The following SEMA6D variants were observed in gnomAD, a reference collection of about 807,000 sequenced individuals.
SEMA6D encodes the protein semaphorin-6D.
SEMA6D carries 35 observed loss-of-function variants against 106.6 expected under a neutral mutation model. The ratio of observed to expected loss-of-function variants is 0.33; its 90% confidence interval spans 0.25 to 0.44. SEMA6D has a LOEUF of 0.44. Among genes scored for constraint, SEMA6D ranks in the 20% least tolerant of loss-of-function variants. The probability of loss-of-function intolerance (pLI) is 1.00; values close to 1 mark genes in which losing one functional copy is unlikely to be tolerated. For missense variants in SEMA6D, 1,185 were observed against 1,345.9 expected (o/e 0.88, Z 1.87); for synonymous variants, 499 against 487.7 (o/e 1.02, Z -0.31).
At chr15:47,432,562 C>CATATGTATATACATATACACCTATAT (rs1555438670) in intron 2 of SEMA6D, among the ~76,000 whole-genome samples, 4 of 43,332 alleles carry the variant, frequency 9.2e-5, no homozygotes, top group African/African-American at 1.5e-4. Context: ...TATACATATA[C>CATATGTATATACATATACACCTATAT]GCATATGTAT....
At chr15:47,448,333 G>A (rs549470451) in intron 2 of SEMA6D, among the ~76,000 whole-genome samples, 2 of 151,716 alleles carry the variant, frequency 1.3e-5, no homozygotes, top group Non-Finnish European at 2.9e-5. Flanking sequence ...CCTGGGCACA[G>A]CTGATCTGGT....
intron 4 of SEMA6D, among the ~76,000 whole-genome samples, chr15:47,694,558 T>C (rs1206611862): frequency 6.6e-6 from 1 of 152,060 alleles, no homozygotes; most frequent in East Asian, 1.9e-4. Flanking sequence ...AGGGCCTGCT[T>C]GGGTGAAACA....
At chr15:47,630,927 T>C (rs1748165752) in intron 4 of SEMA6D, among the ~76,000 whole-genome samples, 1 of 151,948 alleles carries the variant, frequency 6.6e-6, no homozygotes, top group African/African-American at 2.4e-5. Context: ...TTAACCAGTC[T>C]TGCATACCTG....
intron 1 of SEMA6D, among the ~76,000 whole-genome samples, chr15:47,326,735 T>G (rs563341013): frequency 2.2e-4 from 34 of 152,336 alleles, no homozygotes; most frequent in Non-Finnish European, 4.6e-4. Context: ...TCCTTAGAAG[T>G]ATGTGTATGT....
At chr15:47,429,982 T>C (rs1213323865) in intron 2 of SEMA6D, among the ~76,000 whole-genome samples, 2 of 152,116 alleles carry the variant, frequency 1.3e-5, no homozygotes, top group African/African-American at 4.8e-5. Context: ...GTTCATCCAC[T>C]ATAAGGCACC....
At chr15:47,469,683 CAA>C (rs997027787) in intron 2 of SEMA6D, among the ~76,000 whole-genome samples, 3 of 152,106 alleles carry the variant, frequency 2.0e-5, no homozygotes, top group African/African-American at 7.2e-5. Context: ...ATAAAATTAA[CAA>C]AGACATCCTT....
At chr15:47,204,253 A>T (rs1251826331) in intron 1 of SEMA6D, among the ~76,000 whole-genome samples, 1 of 152,162 alleles carries the variant, frequency 6.6e-6, no homozygotes, top group Non-Finnish European at 1.5e-5. Context: ...TCTTCCAAAT[A>T]CAGTATCAAC....
At chr15:47,625,719 T>A (rs1396254591) in intron 4 of SEMA6D, among the ~76,000 whole-genome samples, 4 of 151,280 alleles carry the variant, frequency 2.6e-5, no homozygotes, top group East Asian at 1.9e-4. Context: ...ATAATAATAA[T>A]AAATTTTGAA....
intron 4 of SEMA6D, among the ~76,000 whole-genome samples, chr15:47,699,540 G>A (rs993282455): frequency 6.6e-6 from 1 of 152,088 alleles, no homozygotes; most frequent in Non-Finnish European, 1.5e-5. Flanking sequence ...TTAACAGATC[G>A]GCAAAGCAAA....
chr15:47,370,710 A>AAAAT (rs1567033699), intron 1 of SEMA6D, among the ~76,000 whole-genome samples: 1 of 138,238 alleles, frequency 7.2e-6, no homozygotes, highest in Non-Finnish European at 1.5e-5. Context: ...AAAAAAAAAA[A>AAAAT]TTTGATGGGT....
At chr15:47,373,890 T>A (rs2039360477) in intron 1 of SEMA6D, among the ~76,000 whole-genome samples, 2 of 152,196 alleles carry the variant, frequency 1.3e-5, no homozygotes. Context: ...TAAAGGCAAG[T>A]AATTGGTTTC....
rs142313118 is a variant in SEMA6D, at chr15:47,542,847, A to G, written c.-86-58018A>G. On this transcript the variant is annotated intron_variant, in intron 3 of 19. Coordinates refer to the SEMA6D transcript ENST00000558014. ...TCAAGTTAGCTATGAGGCTTAGGAC[A>G]GAAGCCAGCTCAGGTGTCCAGATGC... 2.3e-3 allele frequency among the ~76,000 whole-genome samples: 349 copies of G among 152,262 alleles called. 1 individual carries two copies. The highest frequency in any genetic ancestry group is 8.3e-3 in the African/African-American group (343 of 41,556).
At chr15:47,191,840 A>G (rs896009810) in intron 1 of SEMA6D, among the ~76,000 whole-genome samples, 1 of 152,180 alleles carries the variant, frequency 6.6e-6, no homozygotes, top group African/African-American at 2.4e-5. Flanking sequence ...GAAGCAGTAG[A>G]TAGTAGTCTC....
At chr15:47,639,207 C>T (rs2077446903) in intron 4 of SEMA6D, among the ~76,000 whole-genome samples, 1 of 152,116 alleles carries the variant, frequency 6.6e-6, no homozygotes, top group African/African-American at 2.4e-5. Flanking sequence ...GAGCCTGGTG[C>T]ATCTTGTAGT....
chr15:47,270,549 C>A (rs554073276), intron 1 of SEMA6D, among the ~76,000 whole-genome samples: 1 of 151,808 alleles, frequency 6.6e-6, no homozygotes, highest in African/African-American at 2.4e-5. Context: ...TCAATCTTAG[C>A]GGAAAAAAAT....
intron 3 of SEMA6D, among the ~76,000 whole-genome samples, chr15:47,476,887 T>C (rs941262791): frequency 6.6e-6 from 1 of 152,268 alleles, no homozygotes; most frequent in Admixed American, 6.5e-5. Flanking sequence ...CAAATCTATC[T>C]TTCATCCAAA....
chr15:47,517,296 A>T (rs1596216297), intron 3 of SEMA6D, among the ~76,000 whole-genome samples: 1 of 152,120 alleles, frequency 6.6e-6, no homozygotes, highest in African/African-American at 2.4e-5. Context: ...ATTAGATCAT[A>T]TATTCTCAGA....
intron 3 of SEMA6D, among the ~76,000 whole-genome samples, chr15:47,539,416 T>G (rs182057954): frequency 7.0e-4 from 106 of 151,660 alleles, no homozygotes; most frequent in Non-Finnish European, 1.2e-3. Flanking sequence ...AGTTTTTTTT[T>G]TTGTTTGTTT....
chr15:47,382,526 C>T (rs908718709), intron 1 of SEMA6D, among the ~76,000 whole-genome samples: 11 of 152,128 alleles, frequency 7.2e-5, no homozygotes, highest in African/African-American at 2.7e-4. Context: ...AAAAAAGGGA[C>T]CACAAAGCTG....
Sources: allele counts gnomAD v4.1 joint callset (sites outside exome capture counted in the v4.1 genomes callset), GRCh38; gene constraint gnomAD v4.1.1; transcripts MANE v1.5; gene names NCBI Gene and HGNC (gene_info 2026-07-23, HGNC 2026-07-21).